Variants in CA10 observed in about 807,000 individuals in gnomAD.
The protein encoded by CA10 is carbonic anhydrase 10 (inactive).
A neutral mutation model predicts 44.2 loss-of-function variants in CA10; 14 were observed. The observed-to-expected ratio is 0.32, with a 90% CI of 0.21 to 0.50. CA10 has a LOEUF of 0.50. CA10 is among the 20% of genes least tolerant of loss of function. CA10 has a pLI of 0.99. For synonymous variants in CA10, 159 were observed against 141.6 expected (o/e 1.12, Z -0.87); for missense variants, 350 against 409.7 (o/e 0.85, Z 1.26).
chr17:51,687,438 C>T (rs1915044800), intron 4 of CA10, among the ~76,000 whole-genome samples: 1 of 152,202 alleles, frequency 6.6e-6, no homozygotes, highest in Admixed American at 6.5e-5. Flanking sequence ...GCTAAATTCT[C>T]AATGCCTAAT....
At chr17:51,657,901 G>A (rs1761050404) in intron 4 of CA10, among the ~76,000 whole-genome samples, 1 of 152,222 alleles carries the variant, frequency 6.6e-6, no homozygotes, top group Admixed American at 6.5e-5. Flanking sequence ...AAGAATTTAA[G>A]CTATTCATTA....
chr17:52,117,483 G>T (rs1286754685), intron 1 of CA10, among the ~76,000 whole-genome samples: 1 of 152,072 alleles, frequency 6.6e-6, no homozygotes, highest in Non-Finnish European at 1.5e-5. Context: ...TCCACCCTGA[G>T]AATTGAGATT....
intron 2 of CA10, among the ~76,000 whole-genome samples, chr17:51,942,381 G>T (rs1443130051): frequency 6.6e-6 from 1 of 151,914 alleles, no homozygotes; most frequent in South Asian, 2.1e-4. Flanking sequence ...AGGATTCATT[G>T]TCCAATAAAT....
chr17:52,111,938 G>T (rs1345568039), intron 1 of CA10, among the ~76,000 whole-genome samples: 1 of 151,982 alleles, frequency 6.6e-6, no homozygotes, highest in Non-Finnish European at 1.5e-5. Flanking sequence ...AGACTAAATT[G>T]AATTCAGAAA....
At chr17:51,995,487 C>T (rs991518290) in intron 2 of CA10, among the ~76,000 whole-genome samples, 2 of 152,008 alleles carry the variant, frequency 1.3e-5, no homozygotes, top group African/African-American at 4.8e-5. Flanking sequence ...GAGAAGACAT[C>T]ATTCAACCAT....
At chr17:51,679,256 T>C (rs1914741164) in intron 4 of CA10, among the ~76,000 whole-genome samples, 1 of 140,532 alleles carries the variant, frequency 7.1e-6, no homozygotes, top group Non-Finnish European at 1.5e-5. Flanking sequence ...GAGACTGTTT[T>C]TCTTTCTCTT....
At chr17:51,820,442 G>T (rs1476127697) in intron 3 of CA10, among the ~76,000 whole-genome samples, 2 of 109,852 alleles carry the variant, frequency 1.8e-5, no homozygotes, top group African/African-American at 7.3e-5. Flanking sequence ...CCTGTACAAA[G>T]TTAAGCTCCT....
intron 1 of CA10, among the ~76,000 whole-genome samples, chr17:52,104,517 C>T (rs1161258644): frequency 1.3e-5 from 2 of 152,180 alleles, no homozygotes; most frequent in African/African-American, 4.8e-5. Flanking sequence ...CTGCCTTGTT[C>T]TTAGCTGTCT....
chr17:51,830,195 CA>C (rs1220410518), intron 3 of CA10, among the ~76,000 whole-genome samples: 334 of 89,940 alleles, frequency 3.7e-3, no homozygotes, highest in Middle Eastern at 0.014. Flanking sequence ...GACTCCATCT[CA>C]AAAAAAAAAA....
intron 1 of CA10, among the ~76,000 whole-genome samples, chr17:52,122,570 C>T (rs1989035409): frequency 1.3e-5 from 2 of 152,106 alleles, no homozygotes; most frequent in Non-Finnish European, 2.9e-5. Context: ...CATGCTTATC[C>T]CTGCCCTGCT....
At chr17:51,813,106 G>A (rs1184435863) in intron 3 of CA10, among the ~76,000 whole-genome samples, 1 of 152,224 alleles carries the variant, frequency 6.6e-6, no homozygotes, top group Non-Finnish European at 1.5e-5. Context: ...GAATAGAAAA[G>A]AGGGTCATAG....
At chr17:52,144,524 A>C (rs1337550970) in intron 1 of CA10, among the ~76,000 whole-genome samples, 1 of 152,224 alleles carries the variant, frequency 6.6e-6, no homozygotes, top group East Asian at 1.9e-4. Context: ...AAAATTATTA[A>C]AGGAACATAT....
At chr17:52,113,285 T>G (rs1988824443) in intron 1 of CA10, among the ~76,000 whole-genome samples, 1 of 152,230 alleles carries the variant, frequency 6.6e-6, no homozygotes, top group African/African-American at 2.4e-5. Flanking sequence ...AAAACCCACC[T>G]TTTTGAGAAA....
At chr17:51,724,415 C>T (rs1287395949) in intron 4 of CA10, among the ~76,000 whole-genome samples, 8 of 152,252 alleles carry the variant, frequency 5.3e-5, no homozygotes, top group East Asian at 3.9e-4. Flanking sequence ...CTATAAACAC[C>T]GGCAGTTGCC....
intron 4 of CA10, among the ~76,000 whole-genome samples, chr17:51,723,207 T>C (rs1331609541): frequency 6.6e-6 from 1 of 152,162 alleles, no homozygotes; most frequent in Non-Finnish European, 1.5e-5. Flanking sequence ...GAGTCAATCC[T>C]GGGCATGTGC....
intron 2 of CA10, among the ~76,000 whole-genome samples, chr17:51,985,262 GACT>G (rs1984790756): frequency 6.6e-6 from 1 of 151,816 alleles, no homozygotes; most frequent in Non-Finnish European, 1.5e-5. Context: ...TAAAAACAAA[GACT>G]ACATGATCAT....
At chr17:51,782,521 T>A (rs1305472149) in intron 3 of CA10, among the ~76,000 whole-genome samples, 4 of 152,230 alleles carry the variant, frequency 2.6e-5, no homozygotes, top group Admixed American at 2.6e-4. Flanking sequence ...CATTGGTTCA[T>A]TTCTTTCTGA....
intron 1 of CA10, among the ~76,000 whole-genome samples, chr17:52,095,738 G>A (rs1429457744): frequency 1.3e-5 from 2 of 152,080 alleles, no homozygotes; most frequent in East Asian, 1.9e-4. Flanking sequence ...TTTAGCCTGG[G>A]TTTTGGTATA....
chr17:51,793,163 A>G (rs1906586025), intron 3 of CA10, among the ~76,000 whole-genome samples: 1 of 152,184 alleles, frequency 6.6e-6, no homozygotes, highest in South Asian at 2.1e-4. Flanking sequence ...AATTCAAGAA[A>G]TGGAAAATTT....
Sources: gnomAD v4.1 joint callset for allele counts (sites outside exome capture counted in the v4.1 genomes callset) on GRCh38, gnomAD v4.1.1 for gene constraint, MANE v1.5 for transcripts, NCBI Gene and HGNC (gene_info 2026-07-23, HGNC 2026-07-21) for gene names.